The following MAGI2 variants were observed in gnomAD, a reference collection of about 807,000 sequenced individuals.
The protein encoded by MAGI2 is membrane-associated guanylate kinase, WW and PDZ domain-containing protein 2.
In MAGI2, 35 loss-of-function variants were observed where a neutral mutation model predicts 133.3. That is an observed-to-expected ratio of 0.26 (90% CI 0.20 to 0.35). The LOEUF (loss-of-function observed/expected upper bound fraction) is 0.35, where lower values mean the gene tolerates loss of function less well. MAGI2 is among the 10% of genes least tolerant of loss of function. The probability of loss-of-function intolerance (pLI) is 1.00; values close to 1 mark genes in which losing one functional copy is unlikely to be tolerated. For missense variants in MAGI2, 1,636 were observed against 1,863.4 expected, an observed-to-expected ratio of 0.88 and a Z score of 2.25; for synonymous variants, 729 against 710.6, an observed-to-expected ratio of 1.03 and a Z score of -0.41.
At chr7:78,442,643 A>G (rs932228971) in intron 6 of MAGI2, among the ~76,000 whole-genome samples, 3 of 152,178 alleles carry the variant, frequency 2.0e-5, no homozygotes, top group Non-Finnish European at 2.9e-5. Context: ...TGTAATATTT[A>G]TTTGCTCTCT....
chr7:78,142,454 C>T (rs1026336991), intron 16 of MAGI2, among the ~76,000 whole-genome samples: 1 of 152,032 alleles, frequency 6.6e-6, no homozygotes, highest in African/African-American at 2.4e-5. Context: ...TTTTCCACTC[C>T]CCTGTACATC....
At chr7:78,379,184 C>A (rs1794704562) in intron 6 of MAGI2, among the ~76,000 whole-genome samples, 2 of 151,860 alleles carry the variant, frequency 1.3e-5, no homozygotes, top group Admixed American at 1.3e-4. Flanking sequence ...AATAAACAGT[C>A]ATATTATAAT....
At chr7:78,890,776 G>A (rs1796678521) in intron 2 of MAGI2, among the ~76,000 whole-genome samples, 1 of 152,104 alleles carries the variant, frequency 6.6e-6, no homozygotes, top group Non-Finnish European at 1.5e-5. Context: ...GAGAAAGCAG[G>A]AAAGATCTAA....
chr7:78,141,907 A>G (rs1490457204), intron 16 of MAGI2, among the ~76,000 whole-genome samples: 2 of 152,234 alleles, frequency 1.3e-5, no homozygotes, highest in African/African-American at 2.4e-5. Context: ...AGAAACACTC[A>G]GCAGCCATAT....
chr7:78,831,928 C>T (rs1184191297), intron 2 of MAGI2, among the ~76,000 whole-genome samples: 1 of 152,082 alleles, frequency 6.6e-6, no homozygotes, highest in Non-Finnish European at 1.5e-5. Context: ...CACAACTGAA[C>T]TTTAAAAGGA....
At chr7:78,759,715 T>A (rs1585317998) in intron 2 of MAGI2, among the ~76,000 whole-genome samples, 2 of 152,372 alleles carry the variant, frequency 1.3e-5, no homozygotes, top group African/African-American at 4.8e-5. Flanking sequence ...TATAATGAAA[T>A]AACATGCAGA....
At chr7:79,130,227 G>A (rs1051320481) in intron 1 of MAGI2, among the ~76,000 whole-genome samples, 6 of 152,042 alleles carry the variant, frequency 3.9e-5, no homozygotes, top group East Asian at 1.9e-4. Flanking sequence ...AGGCTAAGGC[G>A]GGAGTGTAAC....
intron 3 of MAGI2, among the ~76,000 whole-genome samples, chr7:78,582,756 T>C (rs183697106): frequency 1.5e-4 from 23 of 152,362 alleles, no homozygotes; most frequent in Admixed American, 1.3e-3. Flanking sequence ...AAGTTAATTA[T>C]AACATAGACT....
intron 7 of MAGI2, among the ~76,000 whole-genome samples, chr7:78,363,531 TA>T: frequency 6.7e-6 from 1 of 150,352 alleles, no homozygotes; most frequent in Non-Finnish European, 1.5e-5. Flanking sequence ...ATAATAATAA[TA>T]ATTCTGAAGA....
intron 6 of MAGI2, among the ~76,000 whole-genome samples, chr7:78,449,230 AG>A (rs1272485837): frequency 6.6e-6 from 1 of 151,912 alleles, no homozygotes; most frequent in Non-Finnish European, 1.5e-5. Flanking sequence ...GGGACAAGAG[AG>A]TTAGAAGAGA....
At chr7:78,392,008 G>A (rs1583856285) in intron 6 of MAGI2, among the ~76,000 whole-genome samples, 1 of 152,170 alleles carries the variant, frequency 6.6e-6, no homozygotes, top group Admixed American at 6.6e-5. Flanking sequence ...GCTGAAACTG[G>A]CCAGACATCG....
chr7:78,746,480 A>G (rs1362181178), intron 2 of MAGI2, among the ~76,000 whole-genome samples: 29 of 152,164 alleles, frequency 1.9e-4, no homozygotes, highest in Admixed American at 1.9e-3. Flanking sequence ...TTCTGCCTGG[A>G]TCATGCTCTA....
intron 15 of MAGI2, among the ~76,000 whole-genome samples, chr7:78,165,321 T>C (rs1825518168): frequency 6.7e-6 from 1 of 150,228 alleles, no homozygotes; most frequent in African/African-American, 2.4e-5. Flanking sequence ...TGAGACCTTT[T>C]CTCAAAAAAA....
intron 2 of MAGI2, among the ~76,000 whole-genome samples, chr7:78,926,499 T>TA (rs1163881942): frequency 6.6e-6 from 1 of 152,008 alleles, no homozygotes; most frequent in Non-Finnish European, 1.5e-5. Context: ...CCAGTTGCCC[T>TA]ATGCCATCCA....
intron 1 of MAGI2, among the ~76,000 whole-genome samples, chr7:79,325,976 T>C (rs1839665528): frequency 6.6e-6 from 1 of 152,128 alleles, no homozygotes; most frequent in Admixed American, 6.6e-5. Context: ...CGTGAACATT[T>C]GACCATCTCC....
intron 2 of MAGI2, among the ~76,000 whole-genome samples, chr7:78,888,696 C>G (rs1796473783): frequency 6.6e-6 from 1 of 152,174 alleles, no homozygotes; most frequent in African/African-American, 2.4e-5. Context: ...AACTAACAAA[C>G]AGATAGGACA....
At chr7:78,691,984 A>C (rs1311452261) in intron 2 of MAGI2, among the ~76,000 whole-genome samples, 1 of 152,160 alleles carries the variant, frequency 6.6e-6, no homozygotes, top group African/African-American at 2.4e-5. Flanking sequence ...TAATGGGAAA[A>C]GTTTTGCATG....
chr7:79,404,322 C>T (rs1845664251), intron 1 of MAGI2, among the ~76,000 whole-genome samples: 1 of 151,998 alleles, frequency 6.6e-6, no homozygotes, highest in African/African-American at 2.4e-5. Flanking sequence ...AAATATTCCT[C>T]TCCTTCCCCT....
intron 6 of MAGI2, among the ~76,000 whole-genome samples, chr7:78,406,766 T>A (rs2151364369): frequency 6.6e-6 from 1 of 152,152 alleles, no homozygotes; most frequent in African/African-American, 2.4e-5. Flanking sequence ...GCTGTAAACT[T>A]ATTGTAGCTA....
Sources: allele counts gnomAD v4.1 joint callset (sites outside exome capture counted in the v4.1 genomes callset), GRCh38; gene constraint gnomAD v4.1.1; transcripts MANE v1.5; gene names NCBI Gene and HGNC (gene_info 2026-07-23, HGNC 2026-07-21).